Variants in MRTFB observed in about 807,000 individuals in gnomAD.
MRTFB encodes the protein myocardin-related transcription factor B.
A neutral mutation model predicts 104.2 loss-of-function variants in MRTFB; 29 were observed. That is an observed-to-expected ratio of 0.28 (90% CI 0.21 to 0.38). The LOEUF is 0.38. Among genes scored for constraint, MRTFB ranks in the 10% least tolerant of loss-of-function variants. The pLI, the probability that MRTFB is intolerant of heterozygous loss-of-function variation, is 1.00. For missense variants in MRTFB, 1,270 were observed against 1,341.6 expected, an observed-to-expected ratio of 0.95 and a Z score of 0.83; for synonymous variants, 535 against 519.5, an observed-to-expected ratio of 1.03 and a Z score of -0.41.
At chr16:14,141,448 GCAAA>G (rs1023730056) in intron 3 of MRTFB, 4 of 152,140 alleles carry the variant, frequency 2.6e-5, no homozygotes, top group African/African-American at 9.7e-5. Context: ...GTTAAAATTT[GCAAA>G]CACTCTAAGC....
intron 8 of MRTFB, among the ~76,000 whole-genome samples, chr16:14,219,571 T>C (rs1416572495): frequency 6.6e-6 from 1 of 152,240 alleles, no homozygotes; most frequent in Non-Finnish European, 1.5e-5. Context: ...CATAGAATTT[T>C]TGAGTTAGAA....
intron 6 of MRTFB, 126 bp from the exon 7 acceptor site, chr16:14,217,000 C>A: frequency 1.1e-6 from 1 of 932,496 alleles, no homozygotes; most frequent in Non-Finnish European, 1.5e-6. Flanking sequence ...TTTCTCTTTC[C>A]ATAAATATGT....
In MRTFB at chr16:14,233,234, G is replaced by A. The variant is rs185094162; in HGVS notation, c.694-912G>A. Among the ~76,000 whole-genome samples the A allele has an allele frequency of 1.1e-4, 17 of 152,178 alleles. No individual in the cohort carries two copies. The East Asian group carries it at 2.9e-3, about 26-fold the overall frequency. On this transcript the variant is annotated intron_variant, in intron 8 of 16. Transcript: ENST00000571589. ...TTAACTATGGAGAGATAATGTTGTC[G>A]GTAAAACAGATCAGTCTTACCAAAA...
chr16:14,082,297 C>T (rs868248897), intron 2 of MRTFB, among the ~76,000 whole-genome samples: 28 of 152,286 alleles, frequency 1.8e-4, no homozygotes, highest in African/African-American at 6.5e-4. Context: ...AAGAGACTGT[C>T]CTTTCCCCAT....
At chr16:14,257,248 C>G (rs2043535138) in intron 15 of MRTFB, among the ~76,000 whole-genome samples, 1 of 152,030 alleles carries the variant, frequency 6.6e-6, no homozygotes, top group Non-Finnish European at 1.5e-5. Context: ...TCCTAATTAC[C>G]CAAGAGAAGA....
At chr16:14,135,292 T>C (rs1170639653) in intron 2 of MRTFB, among the ~76,000 whole-genome samples, 2 of 152,272 alleles carry the variant, frequency 1.3e-5, no homozygotes, top group Middle Eastern at 3.2e-3. Flanking sequence ...CTTGACGTTT[T>C]GTCTCTTCAA....
rs1194561556 is a variant in MRTFB, at chr16:14,263,908, C to G, written c.*2464C>G. ...CAGCCAGGCACCTGTGACACGAGTGCTGCTCTCCAGGATCTCCACTACATG... is the reference window on the plus strand; with the variant it reads ...CAGCCAGGCACCTGTGACACGAGTGGTGCTCTCCAGGATCTCCACTACATG... On this transcript the variant is annotated 3_prime_UTR_variant, in exon 17 of 17. Transcript: ENST00000571589. The G allele has an allele frequency of 1.3e-5, 2 of 152,252 alleles. No individual in the cohort carries two copies. Among genetic ancestry groups the G allele is most frequent in the African/African-American group, 4.8e-5 (2 of 41,452 alleles). The allele number at this position is 152,252 out of a possible 1,614,324, so 9.4% of individuals were successfully genotyped here.
At chr16:14,257,051 A>AC (rs576124463) in intron 15 of MRTFB, among the ~76,000 whole-genome samples, 1 of 152,252 alleles carries the variant, frequency 6.6e-6, no homozygotes, top group Non-Finnish European at 1.5e-5. Flanking sequence ...ACCGCTACAC[A>AC]CCTAATGAAA....
chr16:14,127,926 T>A, intron 2 of MRTFB, among the ~76,000 whole-genome samples: 1 of 41,350 alleles, frequency 2.4e-5, no homozygotes, highest in South Asian at 1.1e-3. Context: ...TATATATATA[T>A]ATATTTTTTT....
At chr16:14,237,719 C>T (rs1332219053) in intron 9 of MRTFB, among the ~76,000 whole-genome samples, 1 of 151,990 alleles carries the variant, frequency 6.6e-6, no homozygotes, top group Admixed American at 6.6e-5. Context: ...GAGACAGCAA[C>T]ACCAGCAGGA....
At chr16:14,210,553 T>C (rs542795996) in intron 4 of MRTFB, among the ~76,000 whole-genome samples, 4 of 152,342 alleles carry the variant, frequency 2.6e-5, no homozygotes, top group African/African-American at 9.6e-5. Flanking sequence ...ACACTGTAAT[T>C]AGGCTAACAT....
intron 6 of MRTFB, among the ~76,000 whole-genome samples, chr16:14,214,317 T>A (rs756479327): frequency 3.3e-5 from 5 of 152,240 alleles, no homozygotes; most frequent in African/African-American, 4.8e-5. Context: ...AGCTTGATTC[T>A]GTGGTAGTCT....
chr16:14,259,900 T>A (rs1294956768), intron 16 of MRTFB, among the ~76,000 whole-genome samples: 2 of 152,226 alleles, frequency 1.3e-5, no homozygotes, highest in Non-Finnish European at 2.9e-5. Context: ...GACAATTCAT[T>A]TATAGGAATC....
chr16:14,249,044 C>CA lies in MRTFB; in HGVS notation c.2366_2367insA (p.Gln790AlafsTer41). The CA allele has an allele frequency of 6.2e-7, 1 of 1,614,126 alleles. No individual in the cohort carries two copies. The highest frequency in any genetic ancestry group is 8.5e-7 in the Non-Finnish European group (1 of 1,180,016). The stretch of plus-strand genomic sequence containing the variant: ...GTACCTCAGACACAAGACACGTTCC[C>CA]GCAGCATGTGCTCAGTCAGCCTCAA... On this transcript the variant is annotated frameshift_variant, in exon 13 of 17. Coordinates refer to ENST00000571589, the MANE Select transcript of MRTFB (RefSeq NM_001308142.2). LOFTEE classifies it high-confidence loss of function.
intron 3 of MRTFB, among the ~76,000 whole-genome samples, chr16:14,165,995 C>T (rs956914279): frequency 3.3e-5 from 5 of 152,110 alleles, no homozygotes; most frequent in Non-Finnish European, 5.9e-5. Context: ...TTCTCCTTCC[C>T]CATAGTTGAA....
At position 14,160,236 on chromosome 16, in the gene MRTFB, A is replaced by T. The variant is rs59196305; in HGVS notation, c.154+19476A>T. 3.6e-3 allele frequency among the ~76,000 whole-genome samples: 552 copies of T among 152,026 alleles called. 2 individuals carry two copies. Among genetic ancestry groups the T allele is most frequent in the African/African-American group, 0.01 (420 of 41,452 alleles). The stretch of plus-strand genomic sequence containing the variant: ...ATTGCAGAGTTCCTCACCTTTAAAA[A>T]TTTTTTTTCATGACTTGCCATTTTT... On this transcript the variant is annotated intron_variant, in intron 3 of 16. Coordinates refer to ENST00000571589, the MANE Select transcript of MRTFB (RefSeq NM_001308142.2).
chr16:14,042,271 A>G, the MRTFB span, among the ~76,000 whole-genome samples: 1 of 151,900 alleles, frequency 6.6e-6, no homozygotes, highest in Admixed American at 6.6e-5. Flanking sequence ...GATTACAGGC[A>G]CCCGCCACCA....
chr16:14,029,178 G>C, the MRTFB span, among the ~76,000 whole-genome samples: 1 of 151,684 alleles, frequency 6.6e-6, no homozygotes, highest in Non-Finnish European at 1.5e-5. Context: ...GCGCACACCT[G>C]TGGTCCCAGC....
rs1366186946 is a variant in MRTFB at position 14,231,076 on chromosome 16, T to C, written c.694-3070T>C. ...CGTATTCTCACTCATAGGTGGGAATTGAACAATGAGAACACATGGACACAG... is the reference window on the plus strand; with the variant it reads ...CGTATTCTCACTCATAGGTGGGAATCGAACAATGAGAACACATGGACACAG... On this transcript the variant is annotated intron_variant, in intron 8 of 16. Coordinates refer to ENST00000571589, the MANE Select transcript of MRTFB (RefSeq NM_001308142.2). Among the ~76,000 whole-genome samples, 3 of 147,836 alleles carry C rather than the reference T, an allele frequency of 2.0e-5. No individual in the cohort carries two copies. The East Asian group carries it at 6.1e-4, about 30-fold the overall frequency.
Sources: allele counts gnomAD v4.1 joint callset (sites outside exome capture counted in the v4.1 genomes callset), GRCh38; gene constraint gnomAD v4.1.1; transcripts MANE v1.5; gene names NCBI Gene and HGNC (gene_info 2026-07-23, HGNC 2026-07-21).